The following EYA1 variants were observed in gnomAD, a reference collection of about 807,000 sequenced individuals.
EYA1 encodes the protein EYA transcriptional coactivator and phosphatase 1, also known as protein phosphatase EYA1.
A neutral mutation model predicts 82.0 loss-of-function variants in EYA1; 16 were observed. The ratio of observed to expected loss-of-function variants is 0.20; its 90% CI spans 0.13 to 0.30. EYA1 has a LOEUF of 0.30. EYA1 is among the 10% of genes least tolerant of loss of function. EYA1 has a pLI of 1.00. For synonymous variants in EYA1, 261 were observed against 264.4 expected (o/e 0.99, Z 0.12); for missense variants, 633 against 730.7 (o/e 0.87, Z 1.54).
chr8:71,263,476 T>A (rs190210607), intron 11 of EYA1, among the ~76,000 whole-genome samples: 38 of 152,332 alleles, frequency 2.5e-4, no homozygotes, highest in African/African-American at 9.1e-4. Flanking sequence ...ATATTTTAGA[T>A]CTGTTTGTAA....
At chr8:71,429,465 A>T (rs1213654727) in intron 2 of EYA1, among the ~76,000 whole-genome samples, 16 of 152,170 alleles carry the variant, frequency 1.1e-4, no homozygotes, top group Admixed American at 1.0e-3. Flanking sequence ...AATATACTAC[A>T]TTGGTAGGCA....
chr8:71,302,376 C>T (rs1419307742), intron 7 of EYA1, among the ~76,000 whole-genome samples: 4 of 152,114 alleles, frequency 2.6e-5, no homozygotes, highest in Admixed American at 6.5e-5. Flanking sequence ...ACACAGGCCA[C>T]GAGGGTCTGA....
chr8:71,207,586 T>C (rs371456232), intron 17 of EYA1, among the ~76,000 whole-genome samples: 9 of 152,312 alleles, frequency 5.9e-5, no homozygotes, highest in African/African-American at 2.2e-4. Context: ...GAGGACTCAT[T>C]TGGTCAAAAA....
chr8:71,475,382 A>G (rs893545170), intron 2 of EYA1, among the ~76,000 whole-genome samples: 3 of 152,224 alleles, frequency 2.0e-5, no homozygotes, highest in Non-Finnish European at 2.9e-5. Flanking sequence ...CCTTTTGTCC[A>G]GAATGAATAT....
At chr8:71,365,953 G>A (rs1167156104), upstream of EYA1, among the ~76,000 whole-genome samples, 1 of 152,162 alleles carries the variant, frequency 6.6e-6, no homozygotes, top group Admixed American at 6.5e-5. Context: ...GTAAAGCTAA[G>A]GAGGTAATTA....
At chr8:71,223,488 T>A (rs1810190603) in intron 12 of EYA1, among the ~76,000 whole-genome samples, 1 of 152,216 alleles carries the variant, frequency 6.6e-6, no homozygotes, top group African/African-American at 2.4e-5. Context: ...ATCTAACTAC[T>A]CATGGAGCTG....
intron 3 of EYA1, among the ~76,000 whole-genome samples, chr8:71,349,840 A>G (rs568649858): frequency 6.6e-6 from 1 of 152,348 alleles, no homozygotes; most frequent in South Asian, 2.1e-4. Flanking sequence ...TTAATAAAGC[A>G]AAACATAGAG....
chr8:71,391,537 ATGATTATGT>A (rs1482416636), intron 2 of EYA1, among the ~76,000 whole-genome samples: 8 of 151,944 alleles, frequency 5.3e-5, no homozygotes, highest in Non-Finnish European at 1.0e-4. Flanking sequence ...AGATATTTTG[ATGATTATGT>A]TGTAAAACTC....
intron 7 of EYA1, among the ~76,000 whole-genome samples, chr8:71,308,387 T>A (rs1231972772): frequency 6.6e-6 from 1 of 152,178 alleles, no homozygotes; most frequent in Non-Finnish European, 1.5e-5. Flanking sequence ...GGACAGTGCA[T>A]CACAAAGATT....
chr8:71,299,402 T>C (rs904082021), intron 8 of EYA1, among the ~76,000 whole-genome samples, 169 bp from the exon 9 acceptor site: 3 of 152,234 alleles, frequency 2.0e-5, no homozygotes, highest in Non-Finnish European at 2.9e-5. Context: ...ACAAATTTTA[T>C]GTAAGATTAT....
chr8:71,211,319 G>T, intron 16 of EYA1, 63 bp from the exon 17 acceptor site: 1 of 1,049,290 alleles, frequency 9.5e-7, no homozygotes, highest in Non-Finnish European at 1.5e-6. Context: ...GACAGTGCTT[G>T]AACTTTTTAT....
chr8:71,529,048 T>C (rs551935158), intron 2 of EYA1, among the ~76,000 whole-genome samples: 1 of 152,328 alleles, frequency 6.6e-6, no homozygotes, highest in South Asian at 2.1e-4. Context: ...CCCAGCAATA[T>C]AGGTCTGTTA....
intron 2 of EYA1, among the ~76,000 whole-genome samples, chr8:71,475,197 G>C (rs1809558371): frequency 6.6e-6 from 1 of 152,178 alleles, no homozygotes; most frequent in African/African-American, 2.4e-5. Context: ...TAGCAAGATA[G>C]CCCATTTAAT....
chr8:71,255,565 C>T (rs1037251694), intron 11 of EYA1, among the ~76,000 whole-genome samples: 2 of 152,048 alleles, frequency 1.3e-5, no homozygotes, highest in Admixed American at 6.6e-5. Context: ...CAAGGTAAAT[C>T]GTTACCTTAC....
Position 71,362,008 on chromosome 8 carries a change from G to A in EYA1, c.-416C>T. 1.0e-6 allele frequency: 1 copy of A among 985,496 alleles called. No individual in the cohort carries two copies. The highest frequency in any genetic ancestry group is 1.2e-6 in the Non-Finnish European group (1 of 829,990). The allele number at this position is 985,496 out of a possible 1,614,324, so 61.0% of individuals were successfully genotyped here. ...GCCATCAGCTCCCACCGTTCTGTTT[G>A]GTAACAGCTTTGCGCCCAGCGCTCC... On this transcript the variant is annotated 5_prime_UTR_variant, in exon 1 of 18. Transcript: ENST00000340726.
chr8:71,406,126 C>T (rs371989003), intron 2 of EYA1, among the ~76,000 whole-genome samples: 3 of 152,096 alleles, frequency 2.0e-5, no homozygotes, highest in African/African-American at 7.2e-5. Context: ...ATCAGTTATA[C>T]CTCAATAAAG....
At chr8:71,251,424 A>G (rs370022235) in intron 11 of EYA1, among the ~76,000 whole-genome samples, 75 of 152,304 alleles carry the variant, frequency 4.9e-4, no homozygotes, top group African/African-American at 1.7e-3. Context: ...CTAACTTCAC[A>G]CCCACACACA....
In EYA1 at chr8:71,361,842, G is replaced by GGCC; in HGVS notation, c.-253_-251dup. The GGCC allele has an allele frequency of 1.0e-6, 1 of 985,482 alleles. No homozygotes were observed. Among genetic ancestry groups the GGCC allele is most frequent in the Non-Finnish European group, 1.2e-6 (1 of 829,942 alleles). 61.0% of individuals were successfully genotyped at this position (985,482 alleles called of 1,614,324 possible). On this transcript the variant is annotated 5_prime_UTR_variant, in exon 1 of 18. Transcript: ENST00000340726. ...AGCTCGGCGCAGGGGGCAGGCGCCTGGCCGCTGCCGCAGGCTCGGGCTGCC... is the reference window on the plus strand; with the variant it reads ...AGCTCGGCGCAGGGGGCAGGCGCCTGGCCGCCGCTGCCGCAGGCTCGGGCTGCC...
rs73286346 is a variant in EYA1 at position 71,227,833 on chromosome 8, A to G, written c.1141-10810T>C. 3.6e-3 allele frequency among the ~76,000 whole-genome samples: 546 copies of G among 152,248 alleles called. 5 individuals are homozygous for G. The highest frequency in any genetic ancestry group is 0.012 in the African/African-American group (511 of 41,556). ...TATTTTCTTGTAATTAACCTTTTTAAATGTCTTTTTCTTTTGCAGGGGTGA... is the reference window on the plus strand; with the variant it reads ...TATTTTCTTGTAATTAACCTTTTTAGATGTCTTTTTCTTTTGCAGGGGTGA... On this transcript the variant is annotated intron_variant, in intron 12 of 17. Coordinates refer to ENST00000340726, the MANE Select transcript of EYA1 (RefSeq NM_000503.6).
Sources: gnomAD v4.1 joint callset for allele counts (sites outside exome capture counted in the v4.1 genomes callset) on GRCh38, gnomAD v4.1.1 for gene constraint, MANE v1.5 for transcripts, NCBI Gene and HGNC (gene_info 2026-07-23, HGNC 2026-07-21) for gene names.